ADGRE2: variants seen among roughly 807,000 people sequenced by gnomAD.
ADGRE2 encodes the protein adhesion G protein-coupled receptor E2, also known as CD97 antigen.
A neutral mutation model predicts 100.8 loss-of-function variants in ADGRE2; 83 were observed. The observed-to-expected ratio is 0.82, with a 90% CI of 0.69 to 0.99. ADGRE2 has a LOEUF of 0.99. ADGRE2 is among the 50% of genes least tolerant of loss of function. The pLI is 0.00. For synonymous variants in ADGRE2, 355 were observed against 413.0 expected, an observed-to-expected ratio of 0.86 and a Z score of 1.70; for missense variants, 814 against 1,035.7, an observed-to-expected ratio of 0.79 and a Z score of 2.94.
At chr19:14,748,579 T>A (rs10423103) in intron 16 of ADGRE2, among the ~76,000 whole-genome samples, 58,230 of 152,038 alleles carry the variant, frequency 0.38, 12,719 homozygotes, top group African/African-American at 0.59. Context: ...AGTGCTGGGA[T>A]TCCAGGTGTG....
In ADGRE2 at chr19:14,752,354, A is replaced by G; in HGVS notation, c.1763T>C (p.Val588Ala). Residue 588 changes from valine (V) to alanine (A), a missense_variant, in exon 15 of 21, where the codon GTG (valine) becomes GCG (alanine). Transcript: ENST00000315576. ...CLFLAHLLFL[V>A]AIDQTGHKVL... ...CTTGTGTCCGGTTTGATCAATTGCC[A>G]CGAGGAAGAGGAGGTGGGCCAGGAA... 3 of 1,614,156 alleles carry G rather than the reference A, an allele frequency of 1.9e-6. No homozygotes were observed. Among genetic ancestry groups the G allele is most frequent in the Non-Finnish European group, 1.7e-6 (2 of 1,180,018 alleles).
At chr19:14,755,518 G>A in intron 13 of ADGRE2, 136 bp downstream of exon 13, 1 of 786,248 alleles carries the variant, frequency 1.3e-6, no homozygotes, top group Admixed American at 2.2e-5. Context: ...CCCAAAGCCG[G>A]CTTGGGAAGG....
intron 16 of ADGRE2, among the ~76,000 whole-genome samples, chr19:14,750,673 G>A (rs2043257639): frequency 6.6e-6 from 1 of 152,028 alleles, no homozygotes; most frequent in Non-Finnish European, 1.5e-5. Context: ...TTCAAATCAG[G>A]TCTACTTTTT....
intron 5 of ADGRE2, among the ~76,000 whole-genome samples, chr19:14,770,669 CTTTTTTTTTTTTTTTT>C (rs775214778): frequency 1.2e-5 from 1 of 85,012 alleles, no homozygotes; most frequent in Non-Finnish European, 2.3e-5. Flanking sequence ...TCTTTCTTTT[CTTTTTTTTTTTTTTTT>C]TTTTTTTTTT....
chr19:14,772,583 G>GGAGTCA, intron 4 of ADGRE2, 86 bp from the exon 5 acceptor site: 1 of 1,502,380 alleles, frequency 6.7e-7, no homozygotes, highest in Non-Finnish European at 9.1e-7. Flanking sequence ...CCCAACATGG[G>GGAGTCA]GCCTGCTGCT....
chr19:14,763,587 C>T (rs907030175), intron 11 of ADGRE2, among the ~76,000 whole-genome samples: 4 of 149,564 alleles, frequency 2.7e-5, no homozygotes, highest in Non-Finnish European at 5.9e-5. Context: ...TTCTATTCTT[C>T]CTTCTTCCTC....
intron 2 of ADGRE2, 120 bp from the exon 3 acceptor site, chr19:14,774,426 G>T: frequency 1.3e-6 from 2 of 1,523,034 alleles, no homozygotes; most frequent in East Asian, 2.3e-5. Flanking sequence ...CCTGCCCATC[G>T]TTCAAACAGA....
chr19:14,761,445 A>G (rs113745020), intron 11 of ADGRE2, among the ~76,000 whole-genome samples: 2,331 of 152,074 alleles, frequency 0.015, 60 homozygotes, highest in African/African-American at 0.052. Context: ...AACAAGCTGT[A>G]CCACGACTAC....
chr19:14,755,224 A>ACT (rs2043450464), intron 13 of ADGRE2, 97 bp from the exon 14 acceptor site: 1 of 1,229,690 alleles, frequency 8.1e-7, no homozygotes, highest in Admixed American at 2.1e-5. Flanking sequence ...ACTTGAGGTC[A>ACT]GGAGTTTGAG....
In ADGRE2 at chr19:14,754,827, T is replaced by A. The variant is rs931029236; in HGVS notation, c.1590+127A>T. ...TAAGACCCTGAGCAGAAAAGCCATCTTGCTATGCCAGCTTGCTGACCCAGA... is the reference window on the plus strand; with the variant it reads ...TAAGACCCTGAGCAGAAAAGCCATCATGCTATGCCAGCTTGCTGACCCAGA... On this transcript the variant is annotated intron_variant, in intron 14 of 20. Transcript: ENST00000315576. 5.1e-4 allele frequency: 528 copies of A among 1,035,454 alleles called. 3 individuals carry two copies. The highest frequency in any genetic ancestry group is 6.3e-4 in the Non-Finnish European group (452 of 722,220). The allele number at this position is 1,035,454 out of a possible 1,614,324, so 64.1% of individuals were successfully genotyped here.
intron 16 of ADGRE2, 66 bp downstream of exon 16, chr19:14,751,370 A>G (rs1298225278): frequency 1.6e-5 from 20 of 1,227,192 alleles, no homozygotes; most frequent in Middle Eastern, 2.4e-4. Context: ...TAAAAATGCT[A>G]TCTAGGTTCT....
intron 11 of ADGRE2, among the ~76,000 whole-genome samples, chr19:14,756,836 A>T (rs527499960): frequency 6.6e-6 from 1 of 152,318 alleles, no homozygotes; most frequent in East Asian, 1.9e-4. Flanking sequence ...ATGGACATAG[A>T]TGCAAAAATT....
chr19:14,762,484 A>G (rs1480956057), intron 11 of ADGRE2, among the ~76,000 whole-genome samples: 1 of 152,040 alleles, frequency 6.6e-6, no homozygotes, highest in Non-Finnish European at 1.5e-5. Flanking sequence ...GGGTTGGAGG[A>G]AGGGAGGAAT....
intron 11 of ADGRE2, among the ~76,000 whole-genome samples, chr19:14,761,824 C>T (rs768685203): frequency 2.0e-5 from 3 of 152,184 alleles, no homozygotes; most frequent in Non-Finnish European, 4.4e-5. Context: ...CACACCTGTT[C>T]CAACCAATCT....
At chr19:14,776,698 A>C (rs749018229) in intron 2 of ADGRE2, 28 bp downstream of exon 2, 34 of 1,607,120 alleles carry the variant, frequency 2.1e-5, no homozygotes, top group Non-Finnish European at 2.9e-5. Context: ...CCTCGCTACC[A>C]CCCCCAGCGG....
At chr19:14,775,546 T>C (rs1363369590) in intron 2 of ADGRE2, among the ~76,000 whole-genome samples, 2 of 151,968 alleles carry the variant, frequency 1.3e-5, no homozygotes. Flanking sequence ...TTTACTGCCA[T>C]CTTCATTTCT....
In ADGRE2 at chr19:14,736,011, G is replaced by A. The variant is rs1363237207; in HGVS notation, c.*225C>T. ...ACCAAGATATGGGCCACAGCTGGCC[G>A]TCCATATGCTGAGAGTTTGATGAGC... On this transcript the variant is annotated 3_prime_UTR_variant, in exon 21 of 21. Transcript: ENST00000315576. 1.5e-5 allele frequency: 7 copies of A among 481,194 alleles called. No individual in the cohort carries two copies. Among genetic ancestry groups the A allele is most frequent in the South Asian group, 5.7e-5 (2 of 35,308 alleles). The allele number at this position is 481,194 out of a possible 1,614,324, so 29.8% of individuals were successfully genotyped here.
Position 14,774,125 on chromosome 19 carries a change from A to T in ADGRE2, c.83-71T>A, listed in dbSNP as rs1447002914. The T allele has an allele frequency of 9.2e-6, 14 of 1,520,586 alleles. No individual in the cohort carries two copies. In the East Asian group the frequency reaches 1.4e-4, roughly 15 times the overall value. 94.2% of individuals were successfully genotyped at this position (1,520,586 alleles called of 1,614,324 possible). On this transcript the variant is annotated intron_variant, in intron 3 of 20. Transcript: ENST00000315576. ...ACACAAAAAGGGGGCACTGGGGGAG[A>T]TGGGGCAGAGCGCTGAGTTTCCCGT...
At chr19:14,763,493 A>C (rs766185682) in intron 11 of ADGRE2, among the ~76,000 whole-genome samples, 1 of 151,918 alleles carries the variant, frequency 6.6e-6, no homozygotes, top group Non-Finnish European at 1.5e-5. Flanking sequence ...TAAATTCTTC[A>C]TCATAATTAT....
Sources: allele counts gnomAD v4.1 joint callset (sites outside exome capture counted in the v4.1 genomes callset), GRCh38; gene constraint gnomAD v4.1.1; transcripts MANE v1.5; gene names NCBI Gene and HGNC (gene_info 2026-07-23, HGNC 2026-07-21).